Variants in NRG2 observed in about 807,000 individuals in gnomAD.
NRG2 encodes neuregulin 2, also known as pro-neuregulin-2, membrane-bound isoform.
NRG2 carries 27 observed loss-of-function variants against 73.9 expected under a neutral mutation model. That is an observed-to-expected ratio of 0.37 (90% CI 0.27 to 0.50). The LOEUF (loss-of-function observed/expected upper bound fraction) is 0.50. Ranked by LOEUF, NRG2 falls within the 20% of genes least tolerant of loss-of-function variation. The pLI, the probability that NRG2 is intolerant of heterozygous loss-of-function variation, is 0.96. For missense variants in NRG2, 1,126 were observed against 1,210.1 expected, an observed-to-expected ratio of 0.93 and a Z score of 1.03; for synonymous variants, 532 against 541.0, an observed-to-expected ratio of 0.98 and a Z score of 0.23.
chr5:139,978,234 C>T (rs1205094341), intron 1 of NRG2, among the ~76,000 whole-genome samples: 1 of 151,976 alleles, frequency 6.6e-6, no homozygotes, highest in Non-Finnish European at 1.5e-5. Flanking sequence ...CAATGAACTC[C>T]AACAAATTTA....
rs146776169 is a variant in NRG2 at position 139,851,633 on chromosome 5, G to A, written c.1743C>T (p.Asp581=). 389 of 1,613,968 alleles carry A rather than the reference G, an allele frequency of 2.4e-4. 1 individual carries two copies. The highest frequency in any genetic ancestry group is 2.3e-4 in the Non-Finnish European group (268 of 1,180,038). Reference sequence around the variant, plus strand: ...CGCTGTGTGGGGAGTCGCGAAGGGAGTCCACGGAATCGTGATAGGGTGGCG... The same window carrying A: ...CGCTGTGTGGGGAGTCGCGAAGGGAATCCACGGAATCGTGATAGGGTGGCG... The part of the protein sequence containing the change: ...ATAPPYHDSV[D]SLRDSPHSER... The change falls in exon 9 of 10, where the codon GAC becomes GAT. Residue 581 remains aspartate (D), a synonymous_variant. Coordinates refer to ENST00000361474, the MANE Select transcript of NRG2 (RefSeq NM_004883.3). This position sits in a 1 kb window ranked among gnomAD's most constrained non-coding sequence, Gnocchi z 4.2.
rs1389558050 is a variant in NRG2 at position 139,942,427 on chromosome 5, T to C, written c.701-54916A>G. ...CATACATATTTTTGTGATCATTAGTTATAACACATCTTAGCAGATTCCACT... is the reference window on the plus strand; with the variant it reads ...CATACATATTTTTGTGATCATTAGTCATAACACATCTTAGCAGATTCCACT... On this transcript the variant is annotated intron_variant, in intron 1 of 9. Transcript: ENST00000361474. 3.9e-5 allele frequency among the ~76,000 whole-genome samples: 6 copies of C among 152,372 alleles called. No individual in the cohort carries two copies. The South Asian group carries it at 1.0e-3, about 26-fold the overall frequency.
intron 1 of NRG2, among the ~76,000 whole-genome samples, chr5:140,017,758 C>T (rs188041076): frequency 1.7e-4 from 26 of 151,808 alleles, no homozygotes; most frequent in African/African-American, 5.1e-4. Context: ...AGATTGGTTG[C>T]GAAAGAGAAG....
chr5:139,970,177 T>C (rs1179393400), intron 1 of NRG2, among the ~76,000 whole-genome samples: 1 of 152,120 alleles, frequency 6.6e-6, no homozygotes, highest in Admixed American at 6.5e-5. Flanking sequence ...AATAGAACAT[T>C]CTGGGAACAA....
chr5:139,934,092 G>A (rs917579990), intron 1 of NRG2, among the ~76,000 whole-genome samples: 2 of 152,128 alleles, frequency 1.3e-5, no homozygotes, highest in Admixed American at 6.5e-5. Flanking sequence ...CCAGCTACTA[G>A]GGAGGCTGAG....
chr5:140,012,499 G>A (rs540762993), intron 1 of NRG2, among the ~76,000 whole-genome samples: 15 of 152,178 alleles, frequency 9.9e-5, no homozygotes, highest in Admixed American at 3.3e-4. Flanking sequence ...TTCTCTAGTC[G>A]TCTTGTGCTC....
At chr5:139,978,463 G>A (rs1378208335) in intron 1 of NRG2, among the ~76,000 whole-genome samples, 1 of 152,190 alleles carries the variant, frequency 6.6e-6, no homozygotes, top group Non-Finnish European at 1.5e-5. Context: ...TGGAGAGGAT[G>A]TGGAGAAATA....
chr5:139,969,443 T>C (rs771654966), intron 1 of NRG2, among the ~76,000 whole-genome samples: 1 of 152,156 alleles, frequency 6.6e-6, no homozygotes, highest in Non-Finnish European at 1.5e-5. Flanking sequence ...TTCTACCAAT[T>C]AGAGCTGACC....
chr5:139,985,838 G>T (rs1312398254), intron 1 of NRG2, among the ~76,000 whole-genome samples: 1 of 152,060 alleles, frequency 6.6e-6, no homozygotes, highest in South Asian at 2.1e-4. Flanking sequence ...TCTCTGAGAG[G>T]TGACTCAGGG....
In NRG2 at chr5:139,860,141, AG is replaced by A. The variant is rs201951232; in HGVS notation, c.1190-4364del. Reference sequence around the variant, plus strand: ...CCCAAGGAGGGTAGAGAGAGATGTTAGAAACAGCAGGCAGGGCAGGCTCTTT... The same window carrying A: ...CCCAAGGAGGGTAGAGAGAGATGTTAAAACAGCAGGCAGGGCAGGCTCTTT... On this transcript the variant is annotated intron_variant, in intron 5 of 9. Transcript: ENST00000361474. Among the ~76,000 whole-genome samples the A allele has an allele frequency of 8.2e-3, 1,254 of 152,260 alleles. 9 individuals are homozygous for A. Among genetic ancestry groups the A allele is most frequent in the Non-Finnish European group, 0.013 (884 of 68,018 alleles).
chr5:139,947,278 C>A (rs549649112), intron 1 of NRG2, among the ~76,000 whole-genome samples: 1 of 152,182 alleles, frequency 6.6e-6, no homozygotes, highest in Non-Finnish European at 1.5e-5. Context: ...AATCAGCCTT[C>A]TGTATCTAAA....
chr5:140,039,999 G>C (rs1305848448), intron 1 of NRG2, among the ~76,000 whole-genome samples: 1 of 152,154 alleles, frequency 6.6e-6, no homozygotes, highest in Non-Finnish European at 1.5e-5. Context: ...GGTTAGTTAG[G>C]ATGATTTTGT....
chr5:139,905,544 C>T (rs570081291), intron 1 of NRG2, among the ~76,000 whole-genome samples: 1 of 152,302 alleles, frequency 6.6e-6, no homozygotes, highest in South Asian at 2.1e-4. Flanking sequence ...ACTCGAGCTC[C>T]AGGGCTGTCT....
At chr5:139,879,771 T>C (rs1028284043) in intron 3 of NRG2, among the ~76,000 whole-genome samples, 1 of 151,810 alleles carries the variant, frequency 6.6e-6, no homozygotes. Flanking sequence ...AAGAGGCAGG[T>C]GTGAGAAAGA....
chr5:139,878,413 A>G (rs888441050), intron 3 of NRG2, among the ~76,000 whole-genome samples: 1 of 152,116 alleles, frequency 6.6e-6, no homozygotes, highest in African/African-American at 2.4e-5. Context: ...GTGGGCTGGG[A>G]TGGGGTAGAT....
In NRG2 at chr5:139,889,289, G is replaced by GTA. The variant is rs947890736; in HGVS notation, c.701-1780_701-1779dup. On this transcript the variant is annotated intron_variant, in intron 1 of 9. Coordinates refer to ENST00000361474, the MANE Select transcript of NRG2 (RefSeq NM_004883.3). ...ATGACTTATATGTGTATTTGTTTGT[G>GTA]TATATATATATTTCAACAATGATTC... Among the ~76,000 whole-genome samples, 9 of 151,964 alleles carry GTA rather than the reference G, an allele frequency of 5.9e-5. No homozygotes were observed. In the East Asian group the frequency reaches 1.4e-3, roughly 23 times the overall value.
At chr5:139,934,804 G>A (rs943222987) in intron 1 of NRG2, among the ~76,000 whole-genome samples, 2 of 152,226 alleles carry the variant, frequency 1.3e-5, no homozygotes, top group Non-Finnish European at 2.9e-5. Flanking sequence ...GTATATGTCA[G>A]AGCAAATCTT....
chr5:139,859,765 G>T, intron 5 of NRG2: 1 of 986,508 alleles, frequency 1.0e-6, no homozygotes, highest in South Asian at 1.5e-5. Flanking sequence ...GGCCAGGAGA[G>T]ATTTTTGGAA....
chr5:140,007,278 C>T (rs1314251742), intron 1 of NRG2, among the ~76,000 whole-genome samples: 1 of 152,140 alleles, frequency 6.6e-6, no homozygotes, highest in African/African-American at 2.4e-5. Flanking sequence ...AACCTCCAAT[C>T]TGCTTCACAT....
Sources: gnomAD v4.1 joint callset for allele counts (sites outside exome capture counted in the v4.1 genomes callset) on GRCh38, gnomAD v4.1.1 for gene constraint, Gnocchi (gnomAD v3.1) non-coding constraint, MANE v1.5 for transcripts, NCBI Gene and HGNC (gene_info 2026-07-23, HGNC 2026-07-21) for gene names.